Variants in PDE8B observed in about 807,000 individuals in gnomAD.
The protein encoded by PDE8B is phosphodiesterase 8B.
Under a neutral mutation model 101.3 loss-of-function variants are expected in PDE8B, and 26 were observed. The observed-to-expected ratio is 0.26, with a 90% CI of 0.19 to 0.36. The LOEUF is 0.36. Among genes scored for constraint, PDE8B ranks in the 10% least tolerant of loss-of-function variants. The probability of loss-of-function intolerance (pLI) is 1.00; values close to 1 mark genes in which losing one functional copy is unlikely to be tolerated. For missense variants in PDE8B, 810 were observed against 1,163.1 expected, an observed-to-expected ratio of 0.70 and a Z score of 4.42; for synonymous variants, 424 against 429.3, an observed-to-expected ratio of 0.99 and a Z score of 0.15.
chr5:77,121,538 C>G, the PDE8B span, among the ~76,000 whole-genome samples: 1 of 146,696 alleles, frequency 6.8e-6, no homozygotes, highest in East Asian at 2.0e-4. Flanking sequence ...GACAGAGTCT[C>G]GCTCTGTTGC....
At chr5:77,264,871 C>T (rs1761366524) in intron 1 of PDE8B, among the ~76,000 whole-genome samples, 1 of 152,006 alleles carries the variant, frequency 6.6e-6, no homozygotes, top group Non-Finnish European at 1.5e-5. Context: ...GCCATTTTGT[C>T]CAAAATTGAT....
At chr5:77,101,406 T>G in the PDE8B span, among the ~76,000 whole-genome samples, 1 of 152,212 alleles carries the variant, frequency 6.6e-6, no homozygotes, top group Non-Finnish European at 1.5e-5. Context: ...CTGTTGCTTT[T>G]GGTGTTGGCT....
chr5:77,093,059 C>T, the PDE8B span, among the ~76,000 whole-genome samples: 1 of 152,174 alleles, frequency 6.6e-6, no homozygotes, highest in African/African-American at 2.4e-5. Flanking sequence ...CTTTCTTGGG[C>T]TGTTTTTATC....
At chr5:77,345,641 A>T (rs995755831) in intron 7 of PDE8B, among the ~76,000 whole-genome samples, 2 of 152,248 alleles carry the variant, frequency 1.3e-5, no homozygotes, top group Admixed American at 6.5e-5. Flanking sequence ...CATCCTCCTA[A>T]GGAAATGTGT....
the PDE8B span, among the ~76,000 whole-genome samples, chr5:77,091,349 A>C: frequency 6.6e-6 from 1 of 152,340 alleles, no homozygotes; most frequent in East Asian, 1.9e-4. Flanking sequence ...AAAAGTAACT[A>C]GTATAAATGG....
chr5:77,149,578 TTTTATTACA>T, the PDE8B span, among the ~76,000 whole-genome samples: 1 of 152,218 alleles, frequency 6.6e-6, no homozygotes, highest in African/African-American at 2.4e-5. Context: ...AGTCTTAAAC[TTTTATTACA>T]TTTATTTCTG....
the PDE8B span, among the ~76,000 whole-genome samples, chr5:77,138,827 G>C: frequency 6.6e-5 from 10 of 152,122 alleles, no homozygotes; most frequent in East Asian, 1.7e-3. Flanking sequence ...TTAAACATTA[G>C]CCATAATCCA....
intron 1 of PDE8B, among the ~76,000 whole-genome samples, chr5:77,285,646 A>T (rs1765854156): frequency 6.7e-6 from 1 of 148,268 alleles, no homozygotes; most frequent in African/African-American, 2.4e-5. Flanking sequence ...CATTCAGCAA[A>T]TTTGGAAAAT....
At chr5:77,254,706 T>A (rs1296855628) in intron 1 of PDE8B, among the ~76,000 whole-genome samples, 2 of 152,250 alleles carry the variant, frequency 1.3e-5, no homozygotes, top group East Asian at 3.8e-4. Flanking sequence ...ATTTTTTAAA[T>A]CAGTTTATCA....
chr5:77,222,774 G>GGGTA (rs1751439488), intron 1 of PDE8B, among the ~76,000 whole-genome samples: 2 of 152,186 alleles, frequency 1.3e-5, no homozygotes, highest in Admixed American at 1.3e-4. Context: ...TGAGCCTGAG[G>GGGTA]GGTAAGTCAG....
chr5:77,283,751 T>G (rs943665466), intron 1 of PDE8B, among the ~76,000 whole-genome samples: 32 of 152,214 alleles, frequency 2.1e-4, no homozygotes, highest in African/African-American at 7.7e-4. Flanking sequence ...AAAGACAGCT[T>G]AGTTTCTCCA....
the PDE8B span, among the ~76,000 whole-genome samples, chr5:77,157,479 G>A: frequency 6.6e-6 from 1 of 152,114 alleles, no homozygotes; most frequent in Admixed American, 6.5e-5. Context: ...GTATAGATTA[G>A]CAAAGAAAAC....
At chr5:77,155,917 A>G in the PDE8B span, among the ~76,000 whole-genome samples, 1 of 152,230 alleles carries the variant, frequency 6.6e-6, no homozygotes, top group African/African-American at 2.4e-5. Flanking sequence ...TATCAAGGCC[A>G]GAAGTTAAGT....
At chr5:77,287,181 G>T (rs1301985990) in intron 1 of PDE8B, among the ~76,000 whole-genome samples, 4 of 151,586 alleles carry the variant, frequency 2.6e-5, no homozygotes, top group Non-Finnish European at 5.9e-5. Context: ...ATTTTTTTTA[G>T]TGCAATAGTT....
chr5:77,331,612 A>G (rs1480621065), intron 5 of PDE8B, 153 bp downstream of exon 5: 8 of 715,728 alleles, frequency 1.1e-5, no homozygotes, highest in Admixed American at 2.0e-5. Flanking sequence ...CTCATGGGAA[A>G]GTAACGAGCA....
intron 10 of PDE8B, among the ~76,000 whole-genome samples, chr5:77,384,949 C>G (rs1278835542): frequency 2.0e-5 from 3 of 152,082 alleles, no homozygotes; most frequent in Non-Finnish European, 4.4e-5. Flanking sequence ...TTTGTTGAGT[C>G]TCTACCAGGT....
At chr5:77,322,709 C>T (rs540759088) in intron 2 of PDE8B, among the ~76,000 whole-genome samples, 9 of 152,296 alleles carry the variant, frequency 5.9e-5, no homozygotes, top group East Asian at 1.9e-4. Flanking sequence ...CTTCTGCTGC[C>T]GGCACCCACT....
At chr5:77,337,551 T>C (rs576839427) in intron 6 of PDE8B, among the ~76,000 whole-genome samples, 3 of 152,352 alleles carry the variant, frequency 2.0e-5, no homozygotes, top group Admixed American at 2.0e-4. Flanking sequence ...TACAGAATTT[T>C]AAAATTGTAA....
intron 10 of PDE8B, among the ~76,000 whole-genome samples, chr5:77,363,172 T>C (rs1269944040): frequency 6.6e-6 from 1 of 152,216 alleles, no homozygotes; most frequent in African/African-American, 2.4e-5. Context: ...AGGGAGATAC[T>C]AGGCTCCCCT....
Sources: gnomAD v4.1 joint callset for allele counts (sites outside exome capture counted in the v4.1 genomes callset) on GRCh38, gnomAD v4.1.1 for gene constraint, MANE v1.5 for transcripts, NCBI Gene and HGNC (gene_info 2026-07-23, HGNC 2026-07-21) for gene names.